Variants in ABTB3 observed in about 807,000 individuals in gnomAD.
The protein encoded by ABTB3 is ankyrin repeat and BTB domain containing 3.
chr12:107,477,356 A>C, the ABTB3 span, among the ~76,000 whole-genome samples: 1 of 152,196 alleles, frequency 6.6e-6, no homozygotes, highest in East Asian at 1.9e-4. Flanking sequence ...AATGACAAAG[A>C]AAGCTGTATT....
chr12:107,450,690 C>T, the ABTB3 span, among the ~76,000 whole-genome samples: 1 of 152,122 alleles, frequency 6.6e-6, no homozygotes, highest in African/African-American at 2.4e-5. Context: ...GCGTTCAGTT[C>T]ATGAAAGCCC....
chr12:107,498,095 C>T, the ABTB3 span, among the ~76,000 whole-genome samples: 5 of 152,084 alleles, frequency 3.3e-5, no homozygotes, highest in African/African-American at 7.2e-5. Flanking sequence ...GGAAGGAACG[C>T]CAACAGCATT....
chr12:107,550,527 A>T, the ABTB3 span, among the ~76,000 whole-genome samples: 1 of 150,594 alleles, frequency 6.6e-6, no homozygotes, highest in African/African-American at 2.4e-5. Context: ...CAACAACAAC[A>T]ACAAAAAACT....
chr12:107,359,473 G>A, the ABTB3 span, among the ~76,000 whole-genome samples: 13 of 152,306 alleles, frequency 8.5e-5, no homozygotes, highest in East Asian at 2.5e-3. Context: ...GGATCCTGGT[G>A]GTGTGCTGGC....
chr12:107,520,062 C>T, the ABTB3 span, among the ~76,000 whole-genome samples: 1 of 152,024 alleles, frequency 6.6e-6, no homozygotes, highest in African/African-American at 2.4e-5. Context: ...CAAAGTGAGC[C>T]CTCAGAAGCA....
the ABTB3 span, among the ~76,000 whole-genome samples, chr12:107,436,790 T>C: frequency 6.6e-6 from 1 of 152,150 alleles, no homozygotes; most frequent in Non-Finnish European, 1.5e-5. Flanking sequence ...AGGTGCTTTA[T>C]AAATCTTTGT....
the ABTB3 span, among the ~76,000 whole-genome samples, chr12:107,330,620 C>G: frequency 5.1e-4 from 78 of 152,330 alleles, no homozygotes; most frequent in Non-Finnish European, 2.2e-4. Flanking sequence ...CAAGATCACA[C>G]AGCAGAGCTG....
the ABTB3 span, among the ~76,000 whole-genome samples, chr12:107,653,516 CA>C: frequency 1.4e-3 from 163 of 112,614 alleles, no homozygotes; most frequent in Middle Eastern, 5.3e-3. Context: ...GACTCTGTCT[CA>C]AAAAAAAAAA....
At chr12:107,487,801 A>T in the ABTB3 span, among the ~76,000 whole-genome samples, 1 of 152,284 alleles carries the variant, frequency 6.6e-6, no homozygotes, top group South Asian at 2.1e-4. Flanking sequence ...GAAAGGAAGG[A>T]CACTGGAAAA....
chr12:107,563,887 C>T, the ABTB3 span, among the ~76,000 whole-genome samples: 5 of 152,156 alleles, frequency 3.3e-5, no homozygotes, highest in South Asian at 2.1e-4. Flanking sequence ...ATGACAGATG[C>T]GAATGTAGGT....
At chr12:107,504,302 CCATTAACATCTACACTA>C in the ABTB3 span, among the ~76,000 whole-genome samples, 2 of 152,046 alleles carry the variant, frequency 1.3e-5, no homozygotes, top group Non-Finnish European at 2.9e-5. Flanking sequence ...CTTTTACGTG[CCATTAACATCTACACTA>C]CGTTAACAGC....
the ABTB3 span, among the ~76,000 whole-genome samples, chr12:107,400,482 G>C: frequency 1.3e-5 from 2 of 152,130 alleles, no homozygotes; most frequent in African/African-American, 4.8e-5. Flanking sequence ...GTTTATGTTT[G>C]CTGAGCAGGT....
At chr12:107,559,086 G>A in the ABTB3 span, among the ~76,000 whole-genome samples, 1 of 152,198 alleles carries the variant, frequency 6.6e-6, no homozygotes, top group South Asian at 2.1e-4. Flanking sequence ...GCACAGAGTG[G>A]GTGGGGAAGA....
the ABTB3 span, among the ~76,000 whole-genome samples, chr12:107,374,414 T>C: frequency 3.9e-5 from 6 of 152,174 alleles, no homozygotes; most frequent in African/African-American, 1.4e-4. Flanking sequence ...TCTCTCCTCA[T>C]GTCCCCCTCC....
chr12:107,484,181 G>A, the ABTB3 span, among the ~76,000 whole-genome samples: 3 of 152,204 alleles, frequency 2.0e-5, no homozygotes, highest in African/African-American at 7.2e-5. Context: ...AAGTGAAATA[G>A]ATAGTCTACC....
the ABTB3 span, among the ~76,000 whole-genome samples, chr12:107,608,986 A>AAAATG: frequency 8.8e-6 from 1 of 113,586 alleles, no homozygotes; most frequent in Non-Finnish European, 1.8e-5. Flanking sequence ...AAAATAAAAT[A>AAAATG]AAATAAAATA....
the ABTB3 span, among the ~76,000 whole-genome samples, chr12:107,413,420 G>A: frequency 1.3e-5 from 2 of 152,162 alleles, no homozygotes; most frequent in Non-Finnish European, 2.9e-5. Context: ...AAGTTCAGAC[G>A]CCTGCACCTT....
the ABTB3 span, among the ~76,000 whole-genome samples, chr12:107,580,197 G>A: frequency 6.6e-6 from 1 of 152,178 alleles, no homozygotes; most frequent in Non-Finnish European, 1.5e-5. Flanking sequence ...TTCACATGGG[G>A]AGGTTTTGAA....
the ABTB3 span, among the ~76,000 whole-genome samples, chr12:107,605,365 G>A: frequency 1.3e-5 from 2 of 152,192 alleles, no homozygotes; most frequent in Non-Finnish European, 2.9e-5. Context: ...AAATGCTAAC[G>A]AGGAGACAAA....
Sources: gnomAD v4.1 joint callset for allele counts (sites outside exome capture counted in the v4.1 genomes callset) on GRCh38, gnomAD v4.1.1 for gene constraint, MANE v1.5 for transcripts, NCBI Gene and HGNC (gene_info 2026-07-23, HGNC 2026-07-21) for gene names.